The following NEK1 variants were observed in gnomAD, a reference collection of about 807,000 sequenced individuals.
NEK1 encodes NIMA related kinase 1.
In NEK1, 137 loss-of-function variants were observed where a neutral mutation model predicts 182.1. The observed-to-expected ratio is 0.75, with a 90% CI of 0.65 to 0.87. The LOEUF is 0.87. NEK1 is among the 40% of genes least tolerant of loss of function. The probability of loss-of-function intolerance (pLI) is 0.00; values close to 1 mark genes in which losing one functional copy is unlikely to be tolerated. For missense variants in NEK1, 1,391 were observed against 1,494.4 expected (o/e 0.93, Z 1.14); for synonymous variants, 513 against 492.2 (o/e 1.04, Z -0.56).
intron 19 of NEK1, among the ~76,000 whole-genome samples, chr4:169,537,074 C>T (rs1460945046): frequency 1.3e-5 from 2 of 152,128 alleles, no homozygotes; most frequent in Non-Finnish European, 2.9e-5. Flanking sequence ...ATATTACCAT[C>T]TAATTAACCT....
At chr4:169,451,354 C>T (rs961464442) in intron 27 of NEK1, among the ~76,000 whole-genome samples, 16 of 152,332 alleles carry the variant, frequency 1.1e-4, no homozygotes, top group Admixed American at 8.5e-4. Context: ...CACCACATAG[C>T]CCTTATTCTA....
chr4:169,434,931 T>A (rs2149415024), intron 28 of NEK1, among the ~76,000 whole-genome samples: 1 of 152,364 alleles, frequency 6.6e-6, no homozygotes, highest in African/African-American at 2.4e-5. Context: ...ACTTGACTTA[T>A]GACTGCATTA....
At chr4:169,548,900 T>C (rs1760967750) in intron 18 of NEK1, among the ~76,000 whole-genome samples, 1 of 152,244 alleles carries the variant, frequency 6.6e-6, no homozygotes, top group Non-Finnish European at 1.5e-5. Flanking sequence ...CTGAGCTTGC[T>C]GGGCTCTGTG....
At chr4:169,482,897 C>T (rs1386381899) in intron 23 of NEK1, among the ~76,000 whole-genome samples, 3 of 152,068 alleles carry the variant, frequency 2.0e-5, no homozygotes, top group Admixed American at 2.0e-4. Flanking sequence ...GGCCTCCCAA[C>T]ATGCTGGGAT....
chr4:169,404,711 A>C (rs1388276027), intron 32 of NEK1, among the ~76,000 whole-genome samples: 1 of 152,182 alleles, frequency 6.6e-6, no homozygotes, highest in East Asian at 1.9e-4. Flanking sequence ...CATTTGTCTA[A>C]GACAGTTGAG....
At chr4:169,577,728 T>C (rs1238240577) in intron 11 of NEK1, among the ~76,000 whole-genome samples, 1 of 152,020 alleles carries the variant, frequency 6.6e-6, no homozygotes, top group African/African-American at 2.4e-5. Context: ...CACTCCAGCC[T>C]GGGCGACAGA....
At chr4:169,475,931 A>G (rs953622019) in intron 26 of NEK1, among the ~76,000 whole-genome samples, 1 of 152,144 alleles carries the variant, frequency 6.6e-6, no homozygotes, top group Non-Finnish European at 1.5e-5. Flanking sequence ...TAAAAAATTA[A>G]AGTAAAAAGA....
chr4:169,398,137 A>G (rs1337395109), intron 35 of NEK1, among the ~76,000 whole-genome samples: 1 of 152,208 alleles, frequency 6.6e-6, no homozygotes, highest in East Asian at 1.9e-4. Flanking sequence ...TGTTTTGTAA[A>G]ATGAAGTCCA....
At chr4:169,560,692 T>C (rs1311479867) in intron 16 of NEK1, among the ~76,000 whole-genome samples, 1 of 151,734 alleles carries the variant, frequency 6.6e-6, no homozygotes, top group Non-Finnish European at 1.5e-5. Context: ...AGAGGAAGTA[T>C]AAGATTCAGA....
At chr4:169,460,472 C>G (rs1003356250) in intron 27 of NEK1, among the ~76,000 whole-genome samples, 3 of 152,032 alleles carry the variant, frequency 2.0e-5, no homozygotes, top group African/African-American at 7.2e-5. Flanking sequence ...CACCAGGTTC[C>G]TCTCATAACA....
chr4:169,515,144 C>T (rs1461212130), intron 19 of NEK1, among the ~76,000 whole-genome samples: 3 of 152,080 alleles, frequency 2.0e-5, no homozygotes, highest in Admixed American at 6.5e-5. Context: ...CTGTCACCTT[C>T]CTGCTACTGA....
intron 27 of NEK1, among the ~76,000 whole-genome samples, chr4:169,443,097 A>ATCTCTCTC (rs1289435417): frequency 2.0e-5 from 3 of 148,256 alleles, no homozygotes; most frequent in African/African-American, 7.5e-5. Context: ...CTATCTATCT[A>ATCTCTCTC]TCTATCTCAT....
intron 23 of NEK1, among the ~76,000 whole-genome samples, chr4:169,504,223 C>A (rs1752861426): frequency 6.6e-6 from 1 of 152,096 alleles, no homozygotes; most frequent in Admixed American, 6.6e-5. Flanking sequence ...CTAGCAATAA[C>A]AAATGCTGGC....
chr4:169,473,173 G>A (rs1479626305), intron 26 of NEK1, among the ~76,000 whole-genome samples: 4 of 151,594 alleles, frequency 2.6e-5, no homozygotes, highest in Admixed American at 6.6e-5. Context: ...GGCTGAGGCA[G>A]GAGGATCATT....
chr4:169,544,827 T>C (rs1580642797), intron 18 of NEK1, among the ~76,000 whole-genome samples: 3 of 151,930 alleles, frequency 2.0e-5, no homozygotes, highest in East Asian at 3.9e-4. Context: ...TCAATGGCGA[T>C]ACCCCCTTTA....
At chr4:169,434,787 T>C (rs1738096140) in intron 28 of NEK1, among the ~76,000 whole-genome samples, 1 of 152,244 alleles carries the variant, frequency 6.6e-6, no homozygotes, top group Non-Finnish European at 1.5e-5. Flanking sequence ...TTTAAGTTTT[T>C]ATCTTTTATT....
chr4:169,489,903 C>T (rs573466008), intron 23 of NEK1, among the ~76,000 whole-genome samples: 83 of 152,242 alleles, frequency 5.5e-4, no homozygotes, highest in African/African-American at 2.0e-3. Flanking sequence ...TCTACCCATA[C>T]CTCAGAGAGT....
chr4:169,575,038 A>G (rs1169758839), intron 12 of NEK1, among the ~76,000 whole-genome samples: 1 of 152,188 alleles, frequency 6.6e-6, no homozygotes, highest in Non-Finnish European at 1.5e-5. Flanking sequence ...ACCAACCTAT[A>G]GAAAACTATG....
At chr4:169,437,575 C>G (rs948364433) in intron 28 of NEK1, among the ~76,000 whole-genome samples, 1 of 152,140 alleles carries the variant, frequency 6.6e-6, no homozygotes, top group African/African-American at 2.4e-5. Flanking sequence ...CTGAGATCAG[C>G]TTTTAAGAGT....
Sources: gnomAD v4.1 joint callset for allele counts (sites outside exome capture counted in the v4.1 genomes callset) on GRCh38, gnomAD v4.1.1 for gene constraint, MANE v1.5 for transcripts, NCBI Gene and HGNC (gene_info 2026-07-23, HGNC 2026-07-21) for gene names.